COL22A1: variants seen among roughly 807,000 people sequenced by gnomAD.
The protein encoded by COL22A1 is collagen alpha-1(XXII) chain.
Under a neutral mutation model 248.9 loss-of-function variants are expected in COL22A1, and 221 were observed. The ratio of observed to expected loss-of-function variants is 0.89; its 90% CI spans 0.80 to 0.99. The LOEUF (loss-of-function observed/expected upper bound fraction) is 0.99, where lower values mean the gene tolerates loss of function less well. Among genes scored for constraint, COL22A1 ranks in the 50% least tolerant of loss-of-function variants. The pLI is 0.00. For synonymous variants in COL22A1, 891 were observed against 793.4 expected (o/e 1.12, Z -2.07); for missense variants, 2,240 against 2,179.0 (o/e 1.03, Z -0.56).
At chr8:138,638,762 T>C (rs1037161090) in intron 47 of COL22A1, among the ~76,000 whole-genome samples, 9 of 152,222 alleles carry the variant, frequency 5.9e-5, no homozygotes, top group African/African-American at 2.2e-4. Context: ...TGAAAAGAAG[T>C]GACACAGATT....
At chr8:138,769,677 C>A (rs149830995) in intron 16 of COL22A1, among the ~76,000 whole-genome samples, 1 of 152,268 alleles carries the variant, frequency 6.6e-6, no homozygotes, top group East Asian at 1.9e-4. Flanking sequence ...TAAAGGCAAC[C>A]GAGTGAAGAT....
intron 46 of COL22A1, 126 bp downstream of exon 46, chr8:138,649,539 A>T (rs1822503204): frequency 1.4e-6 from 2 of 1,479,884 alleles, no homozygotes; most frequent in Non-Finnish European, 1.8e-6. Flanking sequence ...AGTACTCCTC[A>T]TCTATCTTGA....
chr8:138,821,723 G>T (rs944774817), intron 6 of COL22A1, among the ~76,000 whole-genome samples: 2 of 152,204 alleles, frequency 1.3e-5, no homozygotes, highest in African/African-American at 4.8e-5. Context: ...AGGGCTATGC[G>T]GGTAAGAGAG....
chr8:138,764,341 T>A (rs1218246313), intron 16 of COL22A1, among the ~76,000 whole-genome samples: 1 of 152,192 alleles, frequency 6.6e-6, no homozygotes, highest in African/African-American at 2.4e-5. Context: ...GGAGTGGGTC[T>A]CTCCTTTCAT....
intron 1 of COL22A1, among the ~76,000 whole-genome samples, chr8:138,904,986 G>C (rs989268130): frequency 6.6e-6 from 1 of 152,088 alleles, no homozygotes; most frequent in African/African-American, 2.4e-5. Context: ...TCTAAGCCTC[G>C]GTTGCCTCAT....
At chr8:138,744,161 C>A (rs991933474) in intron 22 of COL22A1, among the ~76,000 whole-genome samples, 4 of 152,054 alleles carry the variant, frequency 2.6e-5, no homozygotes, top group African/African-American at 7.2e-5. Flanking sequence ...CCTGGTAGAG[C>A]AGGAAAAGGC....
chr8:138,825,521 G>T (rs185469628), intron 6 of COL22A1, among the ~76,000 whole-genome samples: 1 of 152,172 alleles, frequency 6.6e-6, no homozygotes, highest in African/African-American at 2.4e-5. Flanking sequence ...TATTCACAGA[G>T]TTATTATGAA....
intron 1 of COL22A1, among the ~76,000 whole-genome samples, chr8:138,885,478 C>T (rs545558764): frequency 1.3e-5 from 2 of 152,198 alleles, no homozygotes; most frequent in Non-Finnish European, 2.9e-5. Flanking sequence ...ACCTGCAACC[C>T]CTTAGTCCCT....
At chr8:138,672,376 T>G (rs894539650) in intron 41 of COL22A1, among the ~76,000 whole-genome samples, 1 of 152,198 alleles carries the variant, frequency 6.6e-6, no homozygotes, top group African/African-American at 2.4e-5. Flanking sequence ...ACTCTAATAT[T>G]TCAGTGGCTG....
chr8:138,762,597 C>G (rs1382032156), intron 16 of COL22A1, 131 bp from the exon 17 acceptor site: 1 of 641,252 alleles, frequency 1.6e-6, no homozygotes, highest in African/African-American at 1.9e-5. Context: ...TGCACACACA[C>G]ACACACACAC....
chr8:138,843,980 A>C, intron 4 of COL22A1, 104 bp downstream of exon 4: 1 of 971,680 alleles, frequency 1.0e-6, no homozygotes, highest in Admixed American at 1.7e-5. Context: ...ATATGGGAAC[A>C]AGAACAGGGT....
At chr8:138,769,179 T>G (rs558553591) in intron 16 of COL22A1, among the ~76,000 whole-genome samples, 1 of 152,260 alleles carries the variant, frequency 6.6e-6, no homozygotes, top group East Asian at 1.9e-4. Flanking sequence ...GTGATTTGTC[T>G]TCTACCCCCT....
At chr8:138,708,820 C>T (rs1361567991) in intron 30 of COL22A1, among the ~76,000 whole-genome samples, 2 of 152,066 alleles carry the variant, frequency 1.3e-5, no homozygotes, top group Non-Finnish European at 2.9e-5. Context: ...TTCTGCACAG[C>T]AAAAGAAACT....
At position 138,629,059 on chromosome 8, in the gene COL22A1, C is replaced by T. The variant is rs141458450; in HGVS notation, c.3663+1636G>A. Among the ~76,000 whole-genome samples, 232 of 152,214 alleles carry T rather than the reference C, an allele frequency of 1.5e-3. 2 individuals carry two copies. Among genetic ancestry groups the T allele is most frequent in the African/African-American group, 5.4e-3 (226 of 41,542 alleles). On this transcript the variant is annotated intron_variant, in intron 50 of 64. Coordinates refer to ENST00000303045, the MANE Select transcript of COL22A1 (RefSeq NM_152888.3). ...ATCTCCTGACCTGATGATTTGCCCA[C>T]CTTGGTCTCCCAAAGTGCTGTGATT...
intron 57 of COL22A1, 125 bp from the exon 58 acceptor site, chr8:138,606,577 A>C: frequency 1.2e-5 from 11 of 883,532 alleles, no homozygotes; most frequent in East Asian, 2.7e-5. Flanking sequence ...AAATCCTCCC[A>C]TGATGGAGGG....
chr8:138,829,901 G>T (rs1243150568), intron 5 of COL22A1, among the ~76,000 whole-genome samples: 1 of 151,876 alleles, frequency 6.6e-6, no homozygotes, highest in Non-Finnish European at 1.5e-5. Flanking sequence ...AATAACTTTT[G>T]CTTAGGTTAT....
chr8:138,792,538 A>G (rs1421633007), intron 12 of COL22A1, among the ~76,000 whole-genome samples: 1 of 152,186 alleles, frequency 6.6e-6, no homozygotes. Flanking sequence ...GGGAGAAAAG[A>G]GCATCTGTCC....
At chr8:138,756,775 C>T (rs997914438) in intron 18 of COL22A1, among the ~76,000 whole-genome samples, 1 of 152,060 alleles carries the variant, frequency 6.6e-6, no homozygotes. Flanking sequence ...AAAATGTTTC[C>T]TCTGAGACCA....
chr8:138,691,963 T>G (rs56651471), intron 35 of COL22A1, among the ~76,000 whole-genome samples: 40,487 of 124,482 alleles, frequency 0.33, 7,254 homozygotes, highest in South Asian at 0.41. Context: ...TTTGTGGAGG[T>G]GCATGTGTGG....
Sources: gnomAD v4.1 joint callset for allele counts (sites outside exome capture counted in the v4.1 genomes callset) on GRCh38, gnomAD v4.1.1 for gene constraint, MANE v1.5 for transcripts, NCBI Gene and HGNC (gene_info 2026-07-23, HGNC 2026-07-21) for gene names.